The following GLT1D1 variants were observed in gnomAD, a reference collection of about 807,000 sequenced individuals.
GLT1D1 encodes glycosyltransferase 1 domain-containing protein 1.
Under a neutral mutation model 28.7 loss-of-function variants are expected in GLT1D1, and 21 were observed. The ratio of observed to expected loss-of-function variants is 0.73; its 90% CI spans 0.52 to 1.05. The LOEUF is 1.05. GLT1D1 is among the 50% of genes least tolerant of loss of function. GLT1D1 has a pLI of 0.00. For synonymous variants in GLT1D1, 147 were observed against 124.8 expected, an observed-to-expected ratio of 1.18 and a Z score of -1.19; for missense variants, 343 against 330.6, an observed-to-expected ratio of 1.04 and a Z score of -0.29.
chr12:128,946,850 T>C, intron 5 of GLT1D1, among the ~76,000 whole-genome samples: 1 of 151,452 alleles, frequency 6.6e-6, no homozygotes, highest in East Asian at 2.0e-4. Flanking sequence ...GGTTTCGCCA[T>C]GTTCGCCAGG....
chr12:128,971,481 TC>T (rs1230885195), intron 7 of GLT1D1, among the ~76,000 whole-genome samples: 1 of 102,670 alleles, frequency 9.7e-6, no homozygotes, highest in Non-Finnish European at 1.9e-5. Context: ...CCTCCCTCCC[TC>T]CCTCTCTCTA....
chr12:128,873,778 C>T (rs1181491718), intron 1 of GLT1D1, among the ~76,000 whole-genome samples: 1 of 152,150 alleles, frequency 6.6e-6, no homozygotes, highest in Non-Finnish European at 1.5e-5. Context: ...TTTCTATGGA[C>T]TGCAATTTTG....
chr12:128,963,413 G>A (rs1878155485), intron 7 of GLT1D1, among the ~76,000 whole-genome samples: 2 of 151,990 alleles, frequency 1.3e-5, no homozygotes, highest in South Asian at 4.2e-4. Context: ...TTGGGAGGCC[G>A]AGGTGGGTGA....
intron 4 of GLT1D1, chr12:128,944,966 G>A: frequency 1.8e-6 from 1 of 552,082 alleles, no homozygotes; most frequent in Non-Finnish European, 3.2e-6. Context: ...CCCCCAACAG[G>A]CCCCGGTGTG....
intron 1 of GLT1D1, among the ~76,000 whole-genome samples, chr12:128,854,661 T>G (rs1362623092): frequency 6.8e-6 from 1 of 147,340 alleles, no homozygotes; most frequent in Non-Finnish European, 1.5e-5. Flanking sequence ...CACGCCCGGC[T>G]GATTTTTGTA....
At chr12:128,958,828 ATCTT>A (rs1877586205) in intron 7 of GLT1D1, among the ~76,000 whole-genome samples, 5 of 84,804 alleles carry the variant, frequency 5.9e-5, no homozygotes, top group Non-Finnish European at 2.2e-5. Context: ...GTAAATAAAA[ATCTT>A]TTTTTTTTTT....
intron 4 of GLT1D1, among the ~76,000 whole-genome samples, chr12:128,911,884 T>C (rs961008089): frequency 1.9e-4 from 29 of 152,200 alleles, no homozygotes; most frequent in Admixed American, 7.8e-4. Flanking sequence ...CACCCGGCTG[T>C]CCTCCCTTGC....
chr12:128,973,938 G>GGT (rs879802780), intron 7 of GLT1D1, among the ~76,000 whole-genome samples: 1 of 98,780 alleles, frequency 1.0e-5, no homozygotes, highest in Non-Finnish European at 2.3e-5. Flanking sequence ...GTGTGTGTAG[G>GGT]GTGTGTGTGT....
At chr12:128,924,426 C>CA (rs551136651) in intron 4 of GLT1D1, among the ~76,000 whole-genome samples, 37,582 of 128,688 alleles carry the variant, frequency 0.29, 6,083 homozygotes, top group Non-Finnish European at 0.38. Context: ...GACTTGGTCT[C>CA]AAAAAAAAAA....
At chr12:128,982,558 A>T (rs977342854) in intron 7 of GLT1D1, among the ~76,000 whole-genome samples, 3 of 152,160 alleles carry the variant, frequency 2.0e-5, no homozygotes, top group Admixed American at 1.3e-4. Flanking sequence ...GGCTCCACTC[A>T]TGAGAGGGAA....
intron 7 of GLT1D1, among the ~76,000 whole-genome samples, chr12:128,957,856 T>C (rs1464085159): frequency 6.6e-6 from 1 of 152,220 alleles, no homozygotes; most frequent in African/African-American, 2.4e-5. Context: ...CCATTCCTGA[T>C]TCTGTTGCCA....
intron 7 of GLT1D1, among the ~76,000 whole-genome samples, chr12:128,982,702 G>A (rs140262833): frequency 2.6e-5 from 4 of 151,876 alleles, no homozygotes; most frequent in African/African-American, 4.8e-5. Context: ...GTGTGCATAT[G>A]TGTGTGTGCA....
chr12:128,863,248 C>A (rs574739896), intron 1 of GLT1D1, among the ~76,000 whole-genome samples: 50 of 152,296 alleles, frequency 3.3e-4, no homozygotes, highest in African/African-American at 1.2e-3. Context: ...GGAGGCCCAG[C>A]AAGGCGAGTC....
chr12:128,860,494 G>A (rs1337502665), intron 1 of GLT1D1, among the ~76,000 whole-genome samples: 1 of 152,182 alleles, frequency 6.6e-6, no homozygotes, highest in Non-Finnish European at 1.5e-5. Context: ...TAAGATATGT[G>A]GTTCACTGGG....
At chr12:128,923,756 A>G (rs1872895906) in intron 4 of GLT1D1, among the ~76,000 whole-genome samples, 1 of 151,890 alleles carries the variant, frequency 6.6e-6, no homozygotes, top group African/African-American at 2.4e-5. Flanking sequence ...TCCTGACCTC[A>G]GGTGATCTGC....
intron 7 of GLT1D1, among the ~76,000 whole-genome samples, chr12:128,971,063 CTT>C (rs1374017608): frequency 6.6e-6 from 1 of 152,180 alleles, no homozygotes; most frequent in East Asian, 1.9e-4. Context: ...GCTCTCATTT[CTT>C]TTTCTTTTCA....
At chr12:128,938,019 A>C (rs1167477404) in intron 4 of GLT1D1, among the ~76,000 whole-genome samples, 2 of 152,224 alleles carry the variant, frequency 1.3e-5, no homozygotes. Flanking sequence ...AATCGACGTA[A>C]GCTTATGAAC....
At chr12:128,884,641 C>G (rs781514213) in intron 2 of GLT1D1, among the ~76,000 whole-genome samples, 1 of 151,964 alleles carries the variant, frequency 6.6e-6, no homozygotes, top group Non-Finnish European at 1.5e-5. Context: ...ATAGTGAAAC[C>G]CTGTCTCTGT....
chr12:128,881,561 A>AAAAATATATATATATATAT (rs1555262848), intron 2 of GLT1D1, among the ~76,000 whole-genome samples: 1 of 33,728 alleles, frequency 3.0e-5, no homozygotes. Flanking sequence ...AAAAAAAAAA[A>AAAAATATATATATATATAT]ATATATATAT....
Sources: allele counts gnomAD v4.1 joint callset (sites outside exome capture counted in the v4.1 genomes callset), GRCh38; gene constraint gnomAD v4.1.1; transcripts MANE v1.5; gene names NCBI Gene and HGNC (gene_info 2026-07-23, HGNC 2026-07-21).